The following ZNF547 variants were observed in gnomAD, a reference collection of about 807,000 sequenced individuals.
The protein encoded by ZNF547 is zinc finger protein 547.
In ZNF547, 4 loss-of-function variants were observed where a neutral mutation model predicts 7.7. That is an observed-to-expected ratio of 0.52 (90% CI 0.26 to 1.20). The LOEUF is 1.20. ZNF547 is among the 50% of genes most tolerant of loss of function. ZNF547 has a pLI of 0.14. For synonymous variants in ZNF547, 166 were observed against 166.2 expected, an observed-to-expected ratio of 1.00 and a Z score of 0.01; for missense variants, 449 against 485.8, an observed-to-expected ratio of 0.92 and a Z score of 0.71.
At chr19:57,366,014 A>C (rs2088466809) in intron 1 of ZNF547, among the ~76,000 whole-genome samples, 1 of 147,886 alleles carries the variant, frequency 6.8e-6, no homozygotes, top group African/African-American at 2.5e-5. Context: ...ACAGGCATGC[A>C]CCACCACGCC....
At chr19:57,365,596 C>T (rs1048685020) in intron 1 of ZNF547, among the ~76,000 whole-genome samples, 49 of 151,334 alleles carry the variant, frequency 3.2e-4, no homozygotes, top group African/African-American at 1.1e-3. Context: ...GCACCCTCCG[C>T]CTCCCAGGTT....
chr19:57,372,059 T>G, intron 3 of ZNF547, 151 bp downstream of exon 3: 1 of 1,295,942 alleles, frequency 7.7e-7, no homozygotes, highest in Non-Finnish European at 1.0e-6. Flanking sequence ...AGGACTGCAA[T>G]ATGTGCTGTG....
intron 1 of ZNF547, chr19:57,364,016 G>A (rs1218202237): frequency 6.6e-6 from 1 of 152,352 alleles, no homozygotes; most frequent in Non-Finnish European, 1.5e-5. Flanking sequence ...ACCATGGAAG[G>A]TTGTCAAGGG....
intron 2 of ZNF547, among the ~76,000 whole-genome samples, chr19:57,370,037 C>G (rs1230137020): frequency 1.3e-5 from 2 of 150,472 alleles, no homozygotes; most frequent in East Asian, 4.0e-4. Context: ...GGACGACAGA[C>G]TCACCCCACT....
At chr19:57,364,662 AC>A (rs1256269170) in intron 1 of ZNF547, 1 of 629,274 alleles carries the variant, frequency 1.6e-6, no homozygotes, top group African/African-American at 1.8e-5. Context: ...AATTGCCTGA[AC>A]CCAGGAGGTG....
chr19:57,364,974 C>A, intron 1 of ZNF547: 1 of 1,613,002 alleles, frequency 6.2e-7, no homozygotes, highest in Non-Finnish European at 8.5e-7. Context: ...CTGCTCTCGA[C>A]CTCGTAGATG....
intron 3 of ZNF547, among the ~76,000 whole-genome samples, chr19:57,375,544 C>G (rs951921686): frequency 6.6e-6 from 1 of 151,484 alleles, no homozygotes; most frequent in African/African-American, 2.4e-5. Flanking sequence ...TACCTGTTAT[C>G]CCAGCTACTT....
intron 3 of ZNF547, among the ~76,000 whole-genome samples, chr19:57,373,754 G>T (rs955675537): frequency 2.0e-5 from 3 of 152,186 alleles, no homozygotes; most frequent in African/African-American, 4.8e-5. Flanking sequence ...GCTCTGAAAT[G>T]ATATCCTCTG....
chr19:57,368,523 A>G, intron 1 of ZNF547, 21 bp from the exon 2 acceptor site: 8 of 1,613,852 alleles, frequency 5.0e-6, no homozygotes, highest in Non-Finnish European at 6.8e-6. Context: ...CCCATTTCTC[A>G]CGGTTTCCCT....
intron 2 of ZNF547, 146 bp downstream of exon 2, chr19:57,368,725 C>T: frequency 1.3e-6 from 1 of 757,088 alleles, no homozygotes; most frequent in Non-Finnish European, 2.2e-6. Flanking sequence ...TCCACCAGTT[C>T]TAGTATCTTA....
At chr19:57,371,689 ATGGG>A in intron 2 of ZNF547, 89 bp from the exon 3 acceptor site, 4 of 1,513,388 alleles carry the variant, frequency 2.6e-6, no homozygotes, top group South Asian at 2.7e-5. Flanking sequence ...CCTGTGTTTA[ATGGG>A]TGGTAAATAT....
intron 2 of ZNF547, 25 bp from the exon 3 acceptor site, chr19:57,371,757 G>T: frequency 4.4e-6 from 7 of 1,600,608 alleles, no homozygotes; most frequent in Non-Finnish European, 6.0e-6. Flanking sequence ...AGCTGCTCAT[G>T]TATTCATCTT....
chr19:57,378,346 A>G lies in ZNF547; in HGVS notation c.*161A>G, dbSNP rs780803770. On this transcript the variant is annotated 3_prime_UTR_variant, in exon 4 of 4. Transcript: ENST00000282282. ...CTATGTATCAGAGAATTCACACTGC[A>G]GAAATGTGTGTTCAGCAAACTCGGG... 4.0e-6 allele frequency: 3 copies of G among 752,524 alleles called. No individual in the cohort carries two copies. Among genetic ancestry groups the G allele is most frequent in the Non-Finnish European group, 6.9e-6 (3 of 437,126 alleles). The allele number at this position is 752,524 out of a possible 1,614,324, so 46.6% of individuals were successfully genotyped here. A position where few individuals can be genotyped will look rare whatever the true frequency, so the allele number is the denominator to read the frequency against.
At position 57,377,972 on chromosome 19, in the gene ZNF547, C is replaced by G. The variant is rs769431842; in HGVS notation, c.996C>G (p.Phe332Leu). ...RPYECNECGKFFSLKSVLIQH... is the reference protein window; with the variant it reads ...RPYECNECGKLFSLKSVLIQH... ...ATGAGTGCAATGAATGTGGGAAATT[C>G]TTCAGCTTGAAATCCGTCCTCATTC... Residue 332 changes from phenylalanine (F) to leucine (L), a missense_variant, in exon 4 of 4, where the codon TTC becomes TTG. Transcript: ENST00000282282. 2.5e-6 allele frequency: 4 copies of G among 1,614,042 alleles called. No homozygotes were observed. Among genetic ancestry groups the G allele is most frequent in the East Asian group, 2.2e-5 (1 of 44,872 alleles).
intron 3 of ZNF547, 120 bp from the exon 4 acceptor site, chr19:57,377,008 G>T: frequency 2.9e-6 from 3 of 1,040,030 alleles, no homozygotes; most frequent in East Asian, 2.6e-5. Flanking sequence ...CAGTACCAGG[G>T]TTCATGCCTG....
At chr19:57,373,544 C>T (rs981236201) in intron 3 of ZNF547, among the ~76,000 whole-genome samples, 4 of 151,862 alleles carry the variant, frequency 2.6e-5, no homozygotes, top group Admixed American at 2.6e-4. Context: ...AGTCCAAGTC[C>T]AAAGTCTCAT....
chr19:57,365,714 G>A (rs1186853094), intron 1 of ZNF547, among the ~76,000 whole-genome samples: 1 of 151,752 alleles, frequency 6.6e-6, no homozygotes, highest in Non-Finnish European at 1.5e-5. Flanking sequence ...TCGCCATGTT[G>A]GTCAGGCTGG....
chr19:57,377,439 AC>A lies in ZNF547; in HGVS notation c.465del (p.Phe156SerfsTer180). 1 of 1,614,246 alleles carries A rather than the reference AC, an allele frequency of 6.2e-7. No individual in the cohort carries two copies. Among genetic ancestry groups the A allele is most frequent in the African/African-American group, 1.3e-5 (1 of 75,056 alleles). On this transcript the variant is annotated frameshift_variant, in exon 4 of 4. Coordinates refer to ENST00000282282, the MANE Select transcript of ZNF547 (RefSeq NM_173631.4). LOFTEE classifies it low-confidence loss of function (END_TRUNC). ...CCACAGAGTTCACATGGCAGGGAAGACCTTCTTGTGCAGTGAATGTGGGAAA... is the reference window on the plus strand; with the variant it reads ...CCACAGAGTTCACATGGCAGGGAAGACTTCTTGTGCAGTGAATGTGGGAAA... ...KNHRVHMAGKTFLCSECGKAF... is the reference protein window; with the variant it reads ...KNHRVHMAGKXFLCSECGKAF...
In ZNF547 at chr19:57,375,105, CT is replaced by C. The variant is rs373266547; in HGVS notation, c.152-2020del. On this transcript the variant is annotated intron_variant, in intron 3 of 3. Transcript: ENST00000282282. ...GTGGCTCACTCCTGTAATCCCAGCA[CT>C]TTGGGAGGCTGGGGCAGGTGGATCA... Among the ~76,000 whole-genome samples, 22 of 152,324 alleles carry C rather than the reference CT, an allele frequency of 1.4e-4. No individual in the cohort carries two copies. The East Asian group carries it at 3.7e-3, about 25-fold the overall frequency.
Sources: gnomAD v4.1 joint callset for allele counts (sites outside exome capture counted in the v4.1 genomes callset) on GRCh38, gnomAD v4.1.1 for gene constraint, MANE v1.5 for transcripts, NCBI Gene and HGNC (gene_info 2026-07-23, HGNC 2026-07-21) for gene names.